Variants in ROBO2 observed in about 807,000 individuals in gnomAD.
The protein encoded by ROBO2 is roundabout homolog 2.
In ROBO2, 53 loss-of-function variants were observed where a neutral mutation model predicts 160.8. That is an observed-to-expected ratio of 0.33 (90% confidence interval 0.26 to 0.41). ROBO2 has a LOEUF of 0.41. Ranked by LOEUF, ROBO2 falls within the 10% of genes least tolerant of loss-of-function variation. The pLI is 1.00. For synonymous variants in ROBO2, 664 were observed against 611.7 expected, an observed-to-expected ratio of 1.09 and a Z score of -1.26; for missense variants, 1,577 against 1,722.4, an observed-to-expected ratio of 0.92 and a Z score of 1.49.
chr3:77,073,494 A>G lies in ROBO2; in HGVS notation c.62-24520A>G, dbSNP rs960425977. Among the ~76,000 whole-genome samples the G allele has an allele frequency of 7.9e-5, 12 of 152,346 alleles. No individual in the cohort carries two copies. The South Asian group carries it at 1.9e-3, about 24-fold the overall frequency. ...AGCACATTACAGAAAACAAAGATCA[A>G]TGGGACAATATGATTAATTTGAAGG... On this transcript the variant is annotated intron_variant, in intron 1 of 25. Transcript: ENST00000461745.
intron 2 of ROBO2, among the ~76,000 whole-genome samples, chr3:77,288,848 G>T (rs62249730): frequency 0.011 from 1,660 of 152,198 alleles, 22 homozygotes; most frequent in African/African-American, 0.03. Context: ...CTGTATTATA[G>T]TATCATGGAG....
At chr3:76,289,108 A>G (rs1283070771) in intron 2 of ROBO2, among the ~76,000 whole-genome samples, 1 of 152,158 alleles carries the variant, frequency 6.6e-6, no homozygotes, top group African/African-American at 2.4e-5. Context: ...TTACATTCCC[A>G]CCAGTAGCGT....
chr3:76,240,543 C>T (rs756969702), intron 2 of ROBO2, among the ~76,000 whole-genome samples: 5 of 152,060 alleles, frequency 3.3e-5, no homozygotes, highest in Non-Finnish European at 5.9e-5. Context: ...AACTTTGAAG[C>T]ATGTTTTAGA....
rs897109821 is a variant in ROBO2 at position 77,504,705 on chromosome 3, C to T, written c.806+11323C>T. Among the ~76,000 whole-genome samples, 4 of 152,122 alleles carry T rather than the reference C, an allele frequency of 2.6e-5. No homozygotes were observed. The South Asian group carries it at 8.3e-4, about 32-fold the overall frequency. ...TATCAAGAATTATTTCAAAAATAAT[C>T]CCATTCATTGAATATTCTGTGTTGA... On this transcript the variant is annotated intron_variant, in intron 5 of 25. Transcript: ENST00000461745.
At chr3:77,173,471 C>T (rs2150762322) in intron 2 of ROBO2, among the ~76,000 whole-genome samples, 1 of 152,012 alleles carries the variant, frequency 6.6e-6, no homozygotes, top group East Asian at 1.9e-4. Context: ...TTTGCCCCTT[C>T]ATGTGTATGA....
In ROBO2 at chr3:77,200,310, TATATATATA is replaced by T. The variant is rs1560218873; in HGVS notation, c.388+101971_388+101979del. Reference sequence around the variant, plus strand: ...ATATATATATATATATATATATATATATATATATATATTTTAGTTTCTATAGGTAAAGGG... The same window carrying T: ...ATATATATATATATATATATATATATTATTTTAGTTTCTATAGGTAAAGGG... On this transcript the variant is annotated intron_variant, in intron 2 of 25. Coordinates refer to ENST00000461745, the Ensembl canonical transcript of ROBO2. 1.5e-4 allele frequency among the ~76,000 whole-genome samples: 13 copies of T among 89,350 alleles called. No individual in the cohort carries two copies. In the East Asian group the frequency reaches 1.7e-3, roughly 12 times the overall value. 58.6% of individuals were successfully genotyped at this position (89,350 alleles called of 152,430 possible).
At chr3:76,169,444 C>T (rs907873583) in intron 2 of ROBO2, among the ~76,000 whole-genome samples, 1 of 152,090 alleles carries the variant, frequency 6.6e-6, no homozygotes, top group African/African-American at 2.4e-5. Flanking sequence ...TATGTCTTTG[C>T]CGTATGAGAA....
chr3:76,241,207 A>G (rs1389942557), intron 2 of ROBO2, among the ~76,000 whole-genome samples: 1 of 152,212 alleles, frequency 6.6e-6, no homozygotes, highest in Non-Finnish European at 1.5e-5. Flanking sequence ...TAAAACTTTA[A>G]CTCTGTTATT....
At chr3:76,392,875 T>C (rs1355216121) in intron 2 of ROBO2, among the ~76,000 whole-genome samples, 1 of 152,196 alleles carries the variant, frequency 6.6e-6, no homozygotes, top group Non-Finnish European at 1.5e-5. Context: ...AAGTTTAGTG[T>C]AATCCCACCA....
intron 23 of ROBO2, among the ~76,000 whole-genome samples, chr3:77,627,574 T>C (rs898693156): frequency 1.3e-5 from 2 of 152,102 alleles, no homozygotes; most frequent in African/African-American, 4.8e-5. Flanking sequence ...TGATTACACA[T>C]CCCTTTCTCT....
At chr3:76,604,319 A>G (rs1255077901) in intron 2 of ROBO2, among the ~76,000 whole-genome samples, 1 of 152,160 alleles carries the variant, frequency 6.6e-6, no homozygotes, top group African/African-American at 2.4e-5. Flanking sequence ...AAGTCAGCTA[A>G]AAAGATTTTC....
chr3:77,001,924 AT>A (rs1276021036), intron 2 of ROBO2, among the ~76,000 whole-genome samples: 1 of 152,124 alleles, frequency 6.6e-6, no homozygotes, highest in Non-Finnish European at 1.5e-5. Flanking sequence ...CTATTCACTG[AT>A]TTTCACAAGG....
chr3:77,124,205 C>T (rs1183763527), intron 2 of ROBO2, among the ~76,000 whole-genome samples: 1 of 151,854 alleles, frequency 6.6e-6, no homozygotes, highest in Admixed American at 6.6e-5. Context: ...AGGCTTGAGC[C>T]GAATGAAAGA....
At chr3:76,151,294 C>G (rs958373507) in intron 2 of ROBO2, among the ~76,000 whole-genome samples, 1 of 152,076 alleles carries the variant, frequency 6.6e-6, no homozygotes, top group Non-Finnish European at 1.5e-5. Flanking sequence ...CTTTCCCCAC[C>G]TCTCTCTTCC....
At chr3:76,318,567 A>G (rs2072241651) in intron 2 of ROBO2, among the ~76,000 whole-genome samples, 1 of 152,168 alleles carries the variant, frequency 6.6e-6, no homozygotes, top group Non-Finnish European at 1.5e-5. Flanking sequence ...ATAAATTGAC[A>G]GTAATAAAAC....
intron 2 of ROBO2, among the ~76,000 whole-genome samples, chr3:76,036,303 C>A (rs2067105718): frequency 6.6e-6 from 1 of 151,738 alleles, no homozygotes; most frequent in Non-Finnish European, 1.5e-5. Flanking sequence ...GCACCTGCCA[C>A]CACGCCCAGT....
intron 2 of ROBO2, among the ~76,000 whole-genome samples, chr3:76,739,194 G>A (rs529819977): frequency 3.9e-5 from 6 of 152,034 alleles, no homozygotes; most frequent in East Asian, 1.9e-4. Context: ...TGTTTATTGC[G>A]GCACTATTCA....
intron 2 of ROBO2, among the ~76,000 whole-genome samples, chr3:77,465,765 G>C (rs1289854017): frequency 6.6e-6 from 1 of 152,094 alleles, no homozygotes; most frequent in Non-Finnish European, 1.5e-5. Context: ...AAGATACTCA[G>C]TATCTGTTGT....
At chr3:76,552,337 C>A (rs947124070) in intron 2 of ROBO2, among the ~76,000 whole-genome samples, 1 of 152,124 alleles carries the variant, frequency 6.6e-6, no homozygotes, top group South Asian at 2.1e-4. Flanking sequence ...GAAGAGAAAT[C>A]CAGATTCAAA....
Sources: gnomAD v4.1 joint callset for allele counts (sites outside exome capture counted in the v4.1 genomes callset) on GRCh38, gnomAD v4.1.1 for gene constraint, MANE v1.5 for transcripts, NCBI Gene and HGNC (gene_info 2026-07-23, HGNC 2026-07-21) for gene names.